The following PRKCB variants were observed in gnomAD, a reference collection of about 807,000 sequenced individuals.
PRKCB encodes protein kinase C beta, also known as protein kinase C beta type.
A neutral mutation model predicts 81.5 loss-of-function variants in PRKCB; 13 were observed. The observed-to-expected ratio is 0.16, with a 90% CI of 0.10 to 0.25. The LOEUF is 0.25. Ranked by LOEUF, PRKCB falls within the 10% of genes least tolerant of loss-of-function variation. The pLI is 1.00. For missense variants in PRKCB, 509 were observed against 875.7 expected, an observed-to-expected ratio of 0.58 and a Z score of 5.29; for synonymous variants, 335 against 321.4, an observed-to-expected ratio of 1.04 and a Z score of -0.45.
intron 2 of PRKCB, among the ~76,000 whole-genome samples, chr16:23,864,820 A>C (rs994931220): frequency 2.0e-5 from 3 of 151,884 alleles, no homozygotes; most frequent in African/African-American, 7.3e-5. Context: ...TAGGGTTTCT[A>C]TTGGTCGCGC....
chr16:24,047,038 C>G (rs1196252010), intron 5 of PRKCB, among the ~76,000 whole-genome samples: 1 of 151,946 alleles, frequency 6.6e-6, no homozygotes, highest in Non-Finnish European at 1.5e-5. Flanking sequence ...GAAAAAAAGT[C>G]TTAAAAATTA....
intron 3 of PRKCB, among the ~76,000 whole-genome samples, chr16:24,019,136 C>G (rs1482650995): frequency 6.6e-6 from 1 of 151,464 alleles, no homozygotes; most frequent in Non-Finnish European, 1.5e-5. Context: ...TTCTCTCTTG[C>G]CTCCATAGAT....
At chr16:24,067,627 C>T (rs944520742) in intron 5 of PRKCB, among the ~76,000 whole-genome samples, 1 of 152,074 alleles carries the variant, frequency 6.6e-6, no homozygotes, top group Non-Finnish European at 1.5e-5. Flanking sequence ...TATTTCTTGG[C>T]ATGTTTGGAA....
chr16:23,991,570 C>T (rs1964885980), intron 3 of PRKCB, among the ~76,000 whole-genome samples: 1 of 152,142 alleles, frequency 6.6e-6, no homozygotes, highest in South Asian at 2.1e-4. Flanking sequence ...GACAGAAACT[C>T]AGCTCAAACT....
At position 24,189,641 on chromosome 16, in the gene PRKCB, CAAAA is replaced by C. The variant is rs10605364; in HGVS notation, c.1723-1431_1723-1428del. On this transcript the variant is annotated intron_variant, in intron 15 of 16. Coordinates refer to ENST00000643927, the MANE Select transcript of PRKCB (RefSeq NM_002738.7). Reference sequence around the variant, plus strand: ...TGGGTGACAGAGTGAGACTCCGTCTCAAAAAAAAAAAAAAAAAAAAAGAAGTAGC... The same window carrying C: ...TGGGTGACAGAGTGAGACTCCGTCTCAAAAAAAAAAAAAAAAAGAAGTAGC... 1.6e-3 allele frequency among the ~76,000 whole-genome samples: 135 copies of C among 83,318 alleles called. 2 individuals carry two copies. The highest frequency in any genetic ancestry group is 5.1e-3 in the African/African-American group (118 of 23,218). The allele number at this position is 83,318 out of a possible 152,430, so 54.7% of individuals were successfully genotyped here.
At chr16:23,898,714 G>A (rs939864939) in intron 2 of PRKCB, among the ~76,000 whole-genome samples, 1 of 152,220 alleles carries the variant, frequency 6.6e-6, no homozygotes, top group Middle Eastern at 3.4e-3. Context: ...ATAGGAAGGG[G>A]CATGGCCACA....
At chr16:24,013,982 C>A (rs1161380599) in intron 3 of PRKCB, among the ~76,000 whole-genome samples, 4 of 152,122 alleles carry the variant, frequency 2.6e-5, no homozygotes, top group African/African-American at 9.7e-5. Flanking sequence ...CAGCAGCATC[C>A]TTTGCAGGAA....
intron 13 of PRKCB, 92 bp from the exon 14 acceptor site, chr16:24,185,019 G>T: frequency 9.7e-6 from 10 of 1,032,402 alleles, no homozygotes; most frequent in Non-Finnish European, 1.5e-5. Flanking sequence ...GTTCAGGTGG[G>T]CACTGGCCTT....
chr16:24,205,429 A>G (rs1220676592), intron 16 of PRKCB, among the ~76,000 whole-genome samples: 1 of 151,850 alleles, frequency 6.6e-6, no homozygotes, highest in Non-Finnish European at 1.5e-5. Context: ...TGCTGGTATT[A>G]TAGGCATGGC....
intron 10 of PRKCB, among the ~76,000 whole-genome samples, chr16:24,166,610 C>A (rs1025160192): frequency 6.6e-6 from 1 of 152,174 alleles, no homozygotes; most frequent in Non-Finnish European, 1.5e-5. Context: ...GATCTCCTAC[C>A]CATTTTGGGA....
At chr16:24,179,948 CA>C (rs1383422747) in intron 12 of PRKCB, among the ~76,000 whole-genome samples, 2 of 151,652 alleles carry the variant, frequency 1.3e-5, no homozygotes, top group Admixed American at 6.6e-5. Context: ...AATTGTGCAA[CA>C]TTTTTTTTTT....
chr16:23,850,554 G>A (rs1421054978), intron 2 of PRKCB, among the ~76,000 whole-genome samples: 8 of 152,126 alleles, frequency 5.3e-5, no homozygotes, highest in African/African-American at 9.6e-5. Flanking sequence ...TGCTAGAGAC[G>A]GGGTTTCACT....
chr16:24,066,499 G>A lies in PRKCB; in HGVS notation c.530-26292G>A, dbSNP rs151208495. On this transcript the variant is annotated intron_variant, in intron 5 of 16. Coordinates refer to ENST00000643927, the MANE Select transcript of PRKCB (RefSeq NM_002738.7). ...AAAAGTTGCAGAGGATAGACTTCCC[G>A]TATACCTTTCACTCAGTTTTCCATT... 4.5e-3 allele frequency among the ~76,000 whole-genome samples: 682 copies of A among 152,194 alleles called. 7 individuals are homozygous for A. Among genetic ancestry groups the A allele is most frequent in the African/African-American group, 0.016 (649 of 41,488 alleles).
At chr16:23,972,432 G>C (rs906581387) in intron 2 of PRKCB, among the ~76,000 whole-genome samples, 1 of 152,158 alleles carries the variant, frequency 6.6e-6, no homozygotes, top group Admixed American at 6.5e-5. Context: ...ATGCAAAATT[G>C]TAAAAAGAAA....
At chr16:23,891,286 C>T (rs577605790) in intron 2 of PRKCB, among the ~76,000 whole-genome samples, 4 of 152,054 alleles carry the variant, frequency 2.6e-5, no homozygotes, top group South Asian at 2.1e-4. Flanking sequence ...CTCCTGGGCT[C>T]AAGCAATCCT....
intron 8 of PRKCB, 32 bp from the exon 9 acceptor site, chr16:24,123,803 G>A (rs1177242703): frequency 6.2e-7 from 1 of 1,611,288 alleles, no homozygotes; most frequent in Middle Eastern, 1.7e-4. Context: ...CTCAAACCCT[G>A]AGCATGTTTT....
intron 3 of PRKCB, among the ~76,000 whole-genome samples, chr16:24,009,386 A>T (rs2141836190): frequency 6.6e-6 from 1 of 152,256 alleles, no homozygotes; most frequent in East Asian, 1.9e-4. Flanking sequence ...TGCAAATCAA[A>T]ACCACAATGA....
intron 3 of PRKCB, among the ~76,000 whole-genome samples, chr16:24,031,810 G>A (rs905587528): frequency 6.6e-6 from 1 of 152,170 alleles, no homozygotes; most frequent in Non-Finnish European, 1.5e-5. Context: ...CTGTTACTTT[G>A]TTTTCCCATC....
intron 5 of PRKCB, among the ~76,000 whole-genome samples, chr16:24,053,853 G>A (rs571450519): frequency 2.0e-5 from 3 of 152,308 alleles, no homozygotes; most frequent in African/African-American, 7.2e-5. Context: ...AGAGGAAAGC[G>A]GAGGAAACAG....
Sources: allele counts gnomAD v4.1 joint callset (sites outside exome capture counted in the v4.1 genomes callset), GRCh38; gene constraint gnomAD v4.1.1; transcripts MANE v1.5; gene names NCBI Gene and HGNC (gene_info 2026-07-23, HGNC 2026-07-21).